The following ZDHHC14 variants were observed in gnomAD, a reference collection of about 807,000 sequenced individuals.
ZDHHC14 encodes palmitoyltransferase ZDHHC14.
Under a neutral mutation model 47.7 loss-of-function variants are expected in ZDHHC14, and 16 were observed. That is an observed-to-expected ratio of 0.34 (90% confidence interval 0.23 to 0.51). The LOEUF is 0.51. ZDHHC14 is among the 20% of genes least tolerant of loss of function. The probability of loss-of-function intolerance (pLI) is 0.97; values close to 1 mark genes in which losing one functional copy is unlikely to be tolerated. For missense variants in ZDHHC14, 515 were observed against 662.5 expected, an observed-to-expected ratio of 0.78 and a Z score of 2.44; for synonymous variants, 293 against 278.9, an observed-to-expected ratio of 1.05 and a Z score of -0.50.
At chr6:157,549,810 C>T (rs1206023647) in intron 2 of ZDHHC14, among the ~76,000 whole-genome samples, 1 of 152,188 alleles carries the variant, frequency 6.6e-6, no homozygotes, top group Non-Finnish European at 1.5e-5. Flanking sequence ...GGTTTTCATC[C>T]AGGACATTCA....
chr6:157,570,244 A>G (rs1426141993), intron 2 of ZDHHC14, among the ~76,000 whole-genome samples: 1 of 152,202 alleles, frequency 6.6e-6, no homozygotes, highest in African/African-American at 2.4e-5. Flanking sequence ...TTTCCTGGTG[A>G]TAATGGTGAA....
chr6:157,442,362 G>A (rs374065873), intron 1 of ZDHHC14, among the ~76,000 whole-genome samples: 3 of 152,040 alleles, frequency 2.0e-5, no homozygotes, highest in East Asian at 1.9e-4. Context: ...CAGCCTGGAC[G>A]ATAGAGCGAG....
chr6:157,540,976 G>A (rs1249342607), intron 1 of ZDHHC14, among the ~76,000 whole-genome samples: 1 of 148,400 alleles, frequency 6.7e-6, no homozygotes, highest in African/African-American at 2.5e-5. Flanking sequence ...TGTAGACTGT[G>A]TTTCTTTTTT....
At chr6:157,556,227 G>C (rs897794031) in intron 2 of ZDHHC14, among the ~76,000 whole-genome samples, 1 of 138,256 alleles carries the variant, frequency 7.2e-6, no homozygotes, top group African/African-American at 2.6e-5. Flanking sequence ...AGGCAGGAAA[G>C]CAGAGCCAGC....
chr6:157,587,741 C>G (rs1055470592), intron 2 of ZDHHC14, among the ~76,000 whole-genome samples: 4 of 152,184 alleles, frequency 2.6e-5, no homozygotes, highest in Non-Finnish European at 4.4e-5. Flanking sequence ...AAAGCACTCT[C>G]CTTAACTCTG....
Position 157,418,588 on chromosome 6 carries a change from T to C in ZDHHC14, c.245+36322T>C, listed in dbSNP as rs1263960607. Among the ~76,000 whole-genome samples the C allele has an allele frequency of 2.0e-5, 3 of 152,196 alleles. No homozygotes were observed. The East Asian group carries it at 5.8e-4, about 29-fold the overall frequency. ...TAAAACGTAGGCCTGGAAACATGGC[T>C]TGTTCATATTTTGGGAACACAGAGA... On this transcript the variant is annotated intron_variant, in intron 1 of 8. Coordinates refer to ENST00000359775, the MANE Select transcript of ZDHHC14 (RefSeq NM_024630.3).
At chr6:157,392,871 ATT>A (rs1160286544) in intron 1 of ZDHHC14, among the ~76,000 whole-genome samples, 1 of 151,768 alleles carries the variant, frequency 6.6e-6, no homozygotes, top group East Asian at 1.9e-4. Flanking sequence ...TTTTATAACA[ATT>A]TTTTTTAATT....
At chr6:157,495,894 G>C (rs1021649452) in intron 1 of ZDHHC14, among the ~76,000 whole-genome samples, 5 of 151,754 alleles carry the variant, frequency 3.3e-5, no homozygotes, top group South Asian at 4.2e-4. Context: ...TGGTAGAGAC[G>C]GGATTCTGCC....
intron 4 of ZDHHC14, chr6:157,631,793 G>T (rs1050648570): frequency 1.3e-5 from 2 of 152,288 alleles, no homozygotes; most frequent in East Asian, 3.8e-4. Context: ...CCACATGGCC[G>T]CACAGGCACT....
intron 2 of ZDHHC14, among the ~76,000 whole-genome samples, chr6:157,562,331 G>C (rs969896880): frequency 2.0e-5 from 3 of 152,224 alleles, no homozygotes; most frequent in African/African-American, 4.8e-5. Flanking sequence ...AGCTGGTGCA[G>C]CCTCAGAGAA....
At chr6:157,384,448 G>A (rs773369190) in intron 1 of ZDHHC14, among the ~76,000 whole-genome samples, 4 of 152,178 alleles carry the variant, frequency 2.6e-5, no homozygotes, top group Non-Finnish European at 5.9e-5. Flanking sequence ...TATGTTAACT[G>A]ATGACTGTAG....
chr6:157,408,268 C>T (rs1438052512), intron 1 of ZDHHC14, among the ~76,000 whole-genome samples: 2 of 152,048 alleles, frequency 1.3e-5, no homozygotes, highest in Non-Finnish European at 2.9e-5. Context: ...TCCACAAGAT[C>T]TTCAGAGACC....
intron 8 of ZDHHC14, among the ~76,000 whole-genome samples, chr6:157,657,066 T>A (rs371403601): frequency 6.9e-6 from 1 of 145,594 alleles, no homozygotes; most frequent in South Asian, 2.2e-4. Context: ...TTTTTTTTTT[T>A]AAGACAGGGT....
At chr6:157,623,852 T>C (rs1026219017) in intron 3 of ZDHHC14, among the ~76,000 whole-genome samples, 4 of 152,280 alleles carry the variant, frequency 2.6e-5, no homozygotes, top group Middle Eastern at 6.8e-3. Flanking sequence ...CCAGCCCTAA[T>C]ACATCTTTTA....
chr6:157,607,292 T>G (rs927627307), intron 3 of ZDHHC14, among the ~76,000 whole-genome samples: 3 of 152,192 alleles, frequency 2.0e-5, no homozygotes, highest in Non-Finnish European at 4.4e-5. Context: ...CAAGTCACAT[T>G]ATCTCTCCAC....
intron 5 of ZDHHC14, among the ~76,000 whole-genome samples, chr6:157,639,342 T>C (rs1777136320): frequency 6.6e-6 from 1 of 152,218 alleles, no homozygotes; most frequent in African/African-American, 2.4e-5. Flanking sequence ...TCTCACTCTT[T>C]TGCCCAGGCT....
chr6:157,453,788 T>TTTTGTGTGTGTG (rs3220439), intron 1 of ZDHHC14, among the ~76,000 whole-genome samples: 1 of 148,098 alleles, frequency 6.8e-6, no homozygotes, highest in Non-Finnish European at 1.5e-5. Flanking sequence ...TTTTTGTGTT[T>TTTTGTGTGTGTG]TGTGTGTGTG....
intron 3 of ZDHHC14, among the ~76,000 whole-genome samples, chr6:157,601,017 G>A (rs1045457079): frequency 6.6e-6 from 1 of 152,212 alleles, no homozygotes; most frequent in Non-Finnish European, 1.5e-5. Flanking sequence ...GGTGAATCCC[G>A]CCTCCAGCAT....
chr6:157,530,545 T>G (rs1158844416), intron 1 of ZDHHC14, among the ~76,000 whole-genome samples: 1 of 152,226 alleles, frequency 6.6e-6, no homozygotes, highest in East Asian at 1.9e-4. Flanking sequence ...TTTGAAGCTG[T>G]CTTTGCCTGA....
Sources: gnomAD v4.1 joint callset for allele counts (sites outside exome capture counted in the v4.1 genomes callset) on GRCh38, gnomAD v4.1.1 for gene constraint, MANE v1.5 for transcripts, NCBI Gene and HGNC (gene_info 2026-07-23, HGNC 2026-07-21) for gene names.